Variants in GRID2 observed in about 807,000 individuals in gnomAD.
The protein encoded by GRID2 is glutamate receptor ionotropic, delta-2.
GRID2 carries 33 observed loss-of-function variants against 114.8 expected under a neutral mutation model. The observed-to-expected ratio is 0.29, with a 90% CI of 0.22 to 0.38. GRID2 has a LOEUF of 0.38. Among genes scored for constraint, GRID2 ranks in the 10% least tolerant of loss-of-function variants. The probability of loss-of-function intolerance (pLI) is 1.00; values close to 1 mark genes in which losing one functional copy is unlikely to be tolerated. For missense variants in GRID2, 1,184 were observed against 1,257.7 expected, an observed-to-expected ratio of 0.94 and a Z score of 0.89; for synonymous variants, 505 against 449.9, an observed-to-expected ratio of 1.12 and a Z score of -1.55.
intron 2 of GRID2, among the ~76,000 whole-genome samples, chr4:92,617,077 C>T (rs1730038185): frequency 1.3e-5 from 2 of 151,454 alleles, no homozygotes; most frequent in South Asian, 4.2e-4. Flanking sequence ...AATATCCTCT[C>T]TCTCGTTATT....
intron 1 of GRID2, among the ~76,000 whole-genome samples, chr4:92,340,822 A>G (rs1727442252): frequency 6.6e-6 from 1 of 152,168 alleles, no homozygotes; most frequent in African/African-American, 2.4e-5. Flanking sequence ...GTTTACCATG[A>G]CTGGTACAGT....
At chr4:93,681,394 C>A (rs933587691) in intron 14 of GRID2, among the ~76,000 whole-genome samples, 1 of 151,468 alleles carries the variant, frequency 6.6e-6, no homozygotes, top group Admixed American at 6.6e-5. Context: ...CATCAAGCTA[C>A]CAATGACTTT....
chr4:92,631,553 A>G (rs185427107), intron 2 of GRID2, among the ~76,000 whole-genome samples: 1 of 152,040 alleles, frequency 6.6e-6, no homozygotes, highest in South Asian at 2.1e-4. Flanking sequence ...TTCATTTTTT[A>G]AATTATTTTT....
rs571935646 is a variant in GRID2, at chr4:92,742,887, G to A, written c.244+152601G>A. 3.3e-5 allele frequency among the ~76,000 whole-genome samples: 5 copies of A among 152,230 alleles called. No individual in the cohort carries two copies. In the East Asian group the frequency reaches 9.6e-4, roughly 29 times the overall value. On this transcript the variant is annotated intron_variant, in intron 2 of 15. Transcript: ENST00000282020. ...ACCCTAGTTGTGTCACAGAGCAAAGGGCTATGTGTAGTGAGATCTTGTTTT... is the reference window on the plus strand; with the variant it reads ...ACCCTAGTTGTGTCACAGAGCAAAGAGCTATGTGTAGTGAGATCTTGTTTT...
chr4:93,323,030 C>A (rs530769839), intron 8 of GRID2, among the ~76,000 whole-genome samples: 6 of 151,972 alleles, frequency 3.9e-5, no homozygotes, highest in Admixed American at 6.6e-5. Flanking sequence ...TCTTTTGCTG[C>A]GCAGGAGCTC....
intron 1 of GRID2, among the ~76,000 whole-genome samples, chr4:92,582,319 G>T (rs1040638946): frequency 6.6e-6 from 1 of 151,832 alleles, no homozygotes; most frequent in Non-Finnish European, 1.5e-5. Flanking sequence ...TCTGAATTCT[G>T]CATTTAAAAA....
At chr4:92,690,071 T>A (rs913867248) in intron 2 of GRID2, among the ~76,000 whole-genome samples, 15 of 151,740 alleles carry the variant, frequency 9.9e-5, no homozygotes, top group Middle Eastern at 3.4e-3. Flanking sequence ...CTTAAAAAAA[T>A]TTTTTTAAGC....
rs532302279 is a variant in GRID2, at chr4:92,451,375, A to G, written c.89-138756A>G. On this transcript the variant is annotated intron_variant, in intron 1 of 15. Coordinates refer to ENST00000282020, the MANE Select transcript of GRID2 (RefSeq NM_001510.4). ...AAAGGATTCATCTAAGGGAATGAAG[A>G]CAGAATAGCTGAAGCCAATATTTTG... is the stretch of plus-strand genomic sequence containing the variant. Among the ~76,000 whole-genome samples, 241 of 152,324 alleles carry G rather than the reference A, an allele frequency of 1.6e-3. 2 individuals carry two copies. The highest frequency in any genetic ancestry group is 5.6e-3 in the African/African-American group (234 of 41,578).
chr4:92,983,143 G>A (rs1214050304), intron 2 of GRID2, among the ~76,000 whole-genome samples: 1 of 152,058 alleles, frequency 6.6e-6, no homozygotes, highest in East Asian at 1.9e-4. Flanking sequence ...ATTAAATAAA[G>A]TGATTTGGCA....
chr4:93,203,778 G>T (rs1270547955), intron 4 of GRID2, among the ~76,000 whole-genome samples: 1 of 152,148 alleles, frequency 6.6e-6, no homozygotes, highest in East Asian at 1.9e-4. Flanking sequence ...AGGGGAGTCT[G>T]CTCCATGCAC....
chr4:92,628,442 T>A (rs1277157273), intron 2 of GRID2, among the ~76,000 whole-genome samples: 1 of 152,090 alleles, frequency 6.6e-6, no homozygotes, highest in Non-Finnish European at 1.5e-5. Flanking sequence ...CACTACAACC[T>A]CCACCTCCCA....
At chr4:93,462,053 CAT>C (rs774505707) in intron 11 of GRID2, among the ~76,000 whole-genome samples, 8 of 152,204 alleles carry the variant, frequency 5.3e-5, no homozygotes, top group Non-Finnish European at 8.8e-5. Context: ...TATTTATAGT[CAT>C]GTAAAATATT....
intron 2 of GRID2, among the ~76,000 whole-genome samples, chr4:92,698,980 T>C (rs560407218): frequency 6.6e-6 from 1 of 152,276 alleles, no homozygotes; most frequent in South Asian, 2.1e-4. Flanking sequence ...TATTTTTTTC[T>C]TCTCAACCAG....
In GRID2 at chr4:92,935,767, G is replaced by A. The variant is rs890128632; in HGVS notation, c.245-149228G>A. On this transcript the variant is annotated intron_variant, in intron 2 of 15. Coordinates refer to ENST00000282020, the MANE Select transcript of GRID2 (RefSeq NM_001510.4). ...GGATGAAATTGGAAATTATCATTCT[G>A]AGTAAACTATCGCAAGGACAAAAAA... is the stretch of plus-strand genomic sequence containing the variant. Among the ~76,000 whole-genome samples the A allele has an allele frequency of 1.9e-4, 27 of 145,158 alleles. 2 individuals carry two copies. The highest frequency in any genetic ancestry group is 1.8e-3 in the Admixed American group (23 of 13,130).
chr4:93,248,824 T>C (rs1483791440), intron 8 of GRID2, among the ~76,000 whole-genome samples: 1 of 152,188 alleles, frequency 6.6e-6, no homozygotes, highest in Non-Finnish European at 1.5e-5. Context: ...AGGTTACTGA[T>C]GCTTGTATTG....
At chr4:93,064,566 A>C (rs1728098537) in intron 2 of GRID2, among the ~76,000 whole-genome samples, 1 of 151,872 alleles carries the variant, frequency 6.6e-6, no homozygotes, top group Non-Finnish European at 1.5e-5. Flanking sequence ...ATAGGCAAGC[A>C]CAAAGTCAGG....
intron 2 of GRID2, among the ~76,000 whole-genome samples, chr4:92,677,294 T>TA (rs932164030): frequency 6.6e-6 from 1 of 152,078 alleles, no homozygotes; most frequent in Non-Finnish European, 1.5e-5. Context: ...TTTTACCACA[T>TA]AAAAAAGAGA....
intron 4 of GRID2, among the ~76,000 whole-genome samples, chr4:93,190,461 A>G (rs1740873620): frequency 6.6e-6 from 1 of 152,152 alleles, no homozygotes; most frequent in Non-Finnish European, 1.5e-5. Context: ...ATTTTGGTGA[A>G]CCACCTGACA....
At chr4:92,731,901 A>C (rs1227896083) in intron 2 of GRID2, among the ~76,000 whole-genome samples, 2 of 152,000 alleles carry the variant, frequency 1.3e-5, no homozygotes, top group African/African-American at 2.4e-5. Context: ...AGTGTTTGAA[A>C]TCATAGGGCA....
Sources: allele counts gnomAD v4.1 joint callset (sites outside exome capture counted in the v4.1 genomes callset), GRCh38; gene constraint gnomAD v4.1.1; transcripts MANE v1.5; gene names NCBI Gene and HGNC (gene_info 2026-07-23, HGNC 2026-07-21).